IFT88: variants seen among roughly 807,000 people sequenced by gnomAD.
IFT88 encodes the protein intraflagellar transport 88.
A neutral mutation model predicts 119.5 loss-of-function variants in IFT88; 74 were observed. That is an observed-to-expected ratio of 0.62 (90% CI 0.51 to 0.75). The LOEUF is 0.75. Ranked by LOEUF, IFT88 falls within the 30% of genes least tolerant of loss-of-function variation. The probability of loss-of-function intolerance (pLI) is 0.00; values close to 1 mark genes in which losing one functional copy is unlikely to be tolerated. For missense variants in IFT88, 961 were observed against 977.7 expected, an observed-to-expected ratio of 0.98 and a Z score of 0.23; for synonymous variants, 279 against 316.7, an observed-to-expected ratio of 0.88 and a Z score of 1.26.
intron 13 of IFT88, among the ~76,000 whole-genome samples, chr13:20,612,000 A>G (rs1433248083): frequency 6.6e-6 from 1 of 152,200 alleles, no homozygotes; most frequent in Non-Finnish European, 1.5e-5. Context: ...AAAGACATCC[A>G]GATTAGAAAG....
intron 16 of IFT88, 89 bp from the exon 17 acceptor site, chr13:20,638,243 G>T: frequency 1.5e-6 from 1 of 686,638 alleles, no homozygotes; most frequent in South Asian, 5.6e-5. Flanking sequence ...TATAATCTCA[G>T]AAAGTCTATT....
chr13:20,669,313 G>T (rs1304824897), intron 23 of IFT88, among the ~76,000 whole-genome samples: 1 of 152,102 alleles, frequency 6.6e-6, no homozygotes, highest in Non-Finnish European at 1.5e-5. Flanking sequence ...ACTTACCTTC[G>T]CATATCCTGT....
In IFT88 at chr13:20,650,120, CTCAG is replaced by C. The variant is rs971684575; in HGVS notation, c.1950-3750_1950-3747del. ...TGAAGAGAAGGTAAACACTTCCTAACTCAGTCAGTGAGGCCAGCATTATCCTTAT... is the reference window on the plus strand; with the variant it reads ...TGAAGAGAAGGTAAACACTTCCTAACTCAGTGAGGCCAGCATTATCCTTAT... On this transcript the variant is annotated intron_variant, in intron 20 of 25. Coordinates refer to ENST00000351808, the MANE Select transcript of IFT88 (RefSeq NM_006531.5). Among the ~76,000 whole-genome samples the C allele has an allele frequency of 1.6e-4, 25 of 152,210 alleles. 1 individual carries two copies. Among genetic ancestry groups the C allele is most frequent in the African/African-American group, 5.8e-4 (24 of 41,550 alleles).
intron 2 of IFT88, among the ~76,000 whole-genome samples, chr13:20,575,868 C>A (rs944904843): frequency 1.3e-5 from 2 of 152,190 alleles, no homozygotes; most frequent in South Asian, 4.1e-4. Context: ...GATTTCTTTT[C>A]GTTTGAGTAT....
At chr13:20,570,944 T>C (rs1283894818) in intron 1 of IFT88, among the ~76,000 whole-genome samples, 3 of 152,048 alleles carry the variant, frequency 2.0e-5, no homozygotes, top group Admixed American at 1.3e-4. Context: ...TGTGGTATTA[T>C]GCTGAGAAAA....
chr13:20,653,451 A>AT (rs894648997), intron 20 of IFT88, among the ~76,000 whole-genome samples: 3 of 152,044 alleles, frequency 2.0e-5, no homozygotes, highest in Admixed American at 6.6e-5. Context: ...GATTAGTAGA[A>AT]TTTTTTTTAC....
intron 24 of IFT88, 72 bp downstream of exon 24, chr13:20,671,111 G>A: frequency 8.3e-7 from 1 of 1,208,858 alleles, no homozygotes; most frequent in Non-Finnish European, 1.2e-6. Flanking sequence ...GAAACATCTT[G>A]CAATAATCTA....
intron 13 of IFT88, chr13:20,607,950 G>C: frequency 1.6e-6 from 1 of 631,210 alleles, no homozygotes; most frequent in East Asian, 3.6e-5. Flanking sequence ...ATGCAAACCA[G>C]CAAGTCAGGA....
chr13:20,675,979 A>G (rs560647880), intron 24 of IFT88, among the ~76,000 whole-genome samples: 110 of 152,290 alleles, frequency 7.2e-4, no homozygotes, highest in African/African-American at 2.5e-3. Flanking sequence ...CTTTTGATCA[A>G]AGCACTGCTT....
At chr13:20,663,127 A>G (rs527264211) in intron 22 of IFT88, 1 of 530,454 alleles carries the variant, frequency 1.9e-6, no homozygotes, top group Non-Finnish European at 2.9e-6. Context: ...ATATGTATAA[A>G]CTGTCTACAC....
chr13:20,572,109 A>G (rs2036481991), intron 1 of IFT88, among the ~76,000 whole-genome samples: 1 of 152,136 alleles, frequency 6.6e-6, no homozygotes. Flanking sequence ...CAAGGTTTAA[A>G]GAATTTTATG....
intron 12 of IFT88, among the ~76,000 whole-genome samples, chr13:20,604,228 A>G (rs1383504049): frequency 6.6e-6 from 1 of 152,218 alleles, no homozygotes; most frequent in Non-Finnish European, 1.5e-5. Flanking sequence ...CAACAGAGCA[A>G]GACTCTGTCT....
intron 16 of IFT88, among the ~76,000 whole-genome samples, chr13:20,634,203 G>A (rs1536869): frequency 0.92 from 139,968 of 152,250 alleles, 64,435 homozygotes; most frequent in East Asian, 1. Flanking sequence ...TTATTATTTT[G>A]TTGAACAAAA....
intron 20 of IFT88, among the ~76,000 whole-genome samples, chr13:20,651,477 A>C (rs1428363616): frequency 6.7e-6 from 1 of 148,776 alleles, no homozygotes; most frequent in Non-Finnish European, 1.5e-5. Flanking sequence ...TCAGTTTATG[A>C]TAGTCAAAAG....
chr13:20,578,033 T>A (rs961605491), intron 2 of IFT88, among the ~76,000 whole-genome samples: 1 of 118,738 alleles, frequency 8.4e-6, no homozygotes, highest in African/African-American at 3.1e-5. Context: ...TCTTGTTACT[T>A]CTTTTTTTTT....
intron 14 of IFT88, among the ~76,000 whole-genome samples, chr13:20,620,710 C>T (rs970527142): frequency 2.6e-5 from 4 of 152,094 alleles, no homozygotes; most frequent in Non-Finnish European, 4.4e-5. Flanking sequence ...GGACTACAGG[C>T]GCCTGCCACC....
intron 7 of IFT88, among the ~76,000 whole-genome samples, chr13:20,592,642 G>A (rs955265435): frequency 6.6e-6 from 1 of 152,026 alleles, no homozygotes. Context: ...GATAATTTTT[G>A]TATTTTTGGT....
At chr13:20,632,531 G>A (rs74036415) in intron 16 of IFT88, among the ~76,000 whole-genome samples, 6,564 of 152,242 alleles carry the variant, frequency 0.043, 184 homozygotes, top group Middle Eastern at 0.075. Context: ...GAATAATGGC[G>A]TGGGAATGGT....
rs180985558 is a variant in IFT88 at position 20,658,869 on chromosome 13, A to G, written c.2068+2439A>G. Reference sequence around the variant, plus strand: ...CGGACCGGAAAAGCGAATGTCTTCAAGGAAGGCCAGGTTTTTTTCTTTAGA... The same window carrying G: ...CGGACCGGAAAAGCGAATGTCTTCAGGGAAGGCCAGGTTTTTTTCTTTAGA... On this transcript the variant is annotated intron_variant, in intron 22 of 25. Coordinates refer to ENST00000351808, the MANE Select transcript of IFT88 (RefSeq NM_006531.5). 1.3e-4 allele frequency among the ~76,000 whole-genome samples: 20 copies of G among 152,356 alleles called. No individual in the cohort carries two copies. In the East Asian group the frequency reaches 3.7e-3, roughly 28 times the overall value.
Sources: allele counts gnomAD v4.1 joint callset (sites outside exome capture counted in the v4.1 genomes callset), GRCh38; gene constraint gnomAD v4.1.1; transcripts MANE v1.5; gene names NCBI Gene and HGNC (gene_info 2026-07-23, HGNC 2026-07-21).